The following IPO5 variants were observed in gnomAD, a reference collection of about 807,000 sequenced individuals.
IPO5 encodes importin-5.
Under a neutral mutation model 143.3 loss-of-function variants are expected in IPO5, and 18 were observed. The ratio of observed to expected loss-of-function variants is 0.13; its 90% CI spans 0.09 to 0.19. The LOEUF (loss-of-function observed/expected upper bound fraction) is 0.19. Among genes scored for constraint, IPO5 ranks in the 10% least tolerant of loss-of-function variants. IPO5 has a pLI of 1.00. For synonymous variants in IPO5, 477 were observed against 465.7 expected (o/e 1.02, Z -0.31); for missense variants, 1,013 against 1,336.9 (o/e 0.76, Z 3.78).
At chr13:97,961,634 G>T (rs1029314749) in intron 2 of IPO5, among the ~76,000 whole-genome samples, 2 of 152,132 alleles carry the variant, frequency 1.3e-5, no homozygotes, top group African/African-American at 4.8e-5. Flanking sequence ...GTATGAAGTG[G>T]TAACTTACAT....
Position 98,024,056 on chromosome 13 carries a change from G to A in IPO5, c.*2234G>A, listed in dbSNP as rs1890636779. 1 of 152,106 alleles carries A rather than the reference G, an allele frequency of 6.6e-6. No homozygotes were observed. Among genetic ancestry groups the A allele is most frequent in the African/African-American group, 2.4e-5 (1 of 41,416 alleles). 9.4% of individuals were successfully genotyped at this position (152,106 alleles called of 1,614,324 possible). A position where few individuals can be genotyped will look rare whatever the true frequency, so the allele number is the denominator to read the frequency against. On this transcript the variant is annotated 3_prime_UTR_variant, in exon 29 of 29. Coordinates refer to ENST00000651721, the MANE Select transcript of IPO5 (RefSeq NM_002271.6). ...TATAAATGCAAGCTATTTCTGGAGG[G>A]GAAAAATGTGTGTGGCTCTTACGTT...
chr13:97,974,562 G>A (rs1171073217), intron 3 of IPO5, among the ~76,000 whole-genome samples: 1 of 151,408 alleles, frequency 6.6e-6, no homozygotes, highest in Non-Finnish European at 1.5e-5. Context: ...CGCCCACCTC[G>A]GCCCCCCAAA....
rs543735606 is a variant in IPO5 at position 97,954,153 on chromosome 13, T to G, written c.-158T>G. 8.9e-6 allele frequency: 2 copies of G among 225,034 alleles called. No homozygotes were observed. Among genetic ancestry groups the G allele is most frequent in the East Asian group, 2.6e-4 (2 of 7,606 alleles). 13.9% of individuals were successfully genotyped at this position (225,034 alleles called of 1,614,324 possible). A position where few individuals can be genotyped will look rare whatever the true frequency, so the allele number is the denominator to read the frequency against. Reference sequence around the variant, plus strand: ...GGGAGAAGCCTTTCCAGGACCCATGTGTAGGCACAACTGTTTTCCCTGATC... The same window carrying G: ...GGGAGAAGCCTTTCCAGGACCCATGGGTAGGCACAACTGTTTTCCCTGATC... On this transcript the variant is annotated 5_prime_UTR_variant, in exon 2 of 29. Transcript: ENST00000651721.
intron 13 of IPO5, chr13:98,001,739 A>G (rs1228573141): frequency 2.0e-5 from 3 of 152,268 alleles, no homozygotes; most frequent in African/African-American, 4.8e-5. Flanking sequence ...TGGCCTCCCA[A>G]AATGCTGGGA....
At chr13:98,018,016 A>G (rs181207399) in intron 25 of IPO5, among the ~76,000 whole-genome samples, 1 of 152,182 alleles carries the variant, frequency 6.6e-6, no homozygotes, top group Admixed American at 6.5e-5. Flanking sequence ...CTATCATCAG[A>G]TGTTTGGAAT....
intron 16 of IPO5, among the ~76,000 whole-genome samples, chr13:98,005,187 G>A (rs646352): frequency 0.025 from 3,801 of 150,070 alleles, 148 homozygotes; most frequent in African/African-American, 0.086. Context: ...GTGAGTCACC[G>A]TGCCTGGCTT....
Position 98,023,624 on chromosome 13 carries a change from C to T in IPO5, c.*1802C>T, listed in dbSNP as rs1182770963. 1 of 152,146 alleles carries T rather than the reference C, an allele frequency of 6.6e-6. No homozygotes were observed. The highest frequency in any genetic ancestry group is 1.5e-5 in the Non-Finnish European group (1 of 68,028). The allele number at this position is 152,146 out of a possible 1,614,324, so 9.4% of individuals were successfully genotyped here. On this transcript the variant is annotated 3_prime_UTR_variant, in exon 29 of 29. Coordinates refer to ENST00000651721, the MANE Select transcript of IPO5 (RefSeq NM_002271.6). ...GGCACTATGCTAAGCACTTTGGGAGCAAGAACCTCCTACCTTCCAGTTTAA... is the reference window on the plus strand; with the variant it reads ...GGCACTATGCTAAGCACTTTGGGAGTAAGAACCTCCTACCTTCCAGTTTAA...
At chr13:98,002,649 T>C (rs750740403) in intron 14 of IPO5, 35 bp from the exon 15 acceptor site, 2 of 1,607,068 alleles carry the variant, frequency 1.2e-6, no homozygotes, top group African/African-American at 1.3e-5. Context: ...GTGGAAACCT[T>C]CTTGCTTTTA....
intron 4 of IPO5, among the ~76,000 whole-genome samples, chr13:97,980,617 C>T (rs545040905): frequency 6.6e-6 from 1 of 151,904 alleles, no homozygotes; most frequent in East Asian, 1.9e-4. Context: ...ATCACGAGGT[C>T]GGGAGTTCAA....
At position 98,021,887 on chromosome 13, in the gene IPO5, T is replaced by C. The variant is rs1055520447; in HGVS notation, c.*65T>C. The C allele has an allele frequency of 7.1e-5, 85 of 1,194,112 alleles. No individual in the cohort carries two copies. The highest frequency in any genetic ancestry group is 3.3e-4 in the Admixed American group (17 of 50,968). The allele number at this position is 1,194,112 out of a possible 1,614,324, so 74.0% of individuals were successfully genotyped here. On this transcript the variant is annotated 3_prime_UTR_variant, in exon 29 of 29. Coordinates refer to ENST00000651721, the MANE Select transcript of IPO5 (RefSeq NM_002271.6). The stretch of plus-strand genomic sequence containing the variant: ...AAACGCTTACCCTTTCCTTTAGGTT[T>C]CTTTGTTTTGTTTTTGAGCAAAAGA...
At chr13:97,982,703 GTACTTA>G (rs1358011913) in intron 5 of IPO5, 120 bp downstream of exon 5, 20 of 679,472 alleles carry the variant, frequency 2.9e-5, no homozygotes, top group Non-Finnish European at 4.4e-5. Flanking sequence ...CTAGAACTTT[GTACTTA>G]TTATTTGCTA....
chr13:97,976,608 G>T (rs1301073201), intron 3 of IPO5, 85 bp from the exon 4 acceptor site: 7 of 357,798 alleles, frequency 2.0e-5, no homozygotes, highest in Middle Eastern at 7.7e-4. Flanking sequence ...CGGTCCCCGC[G>T]CTGGGCCCGC....
chr13:98,018,921 G>A (rs1890293856), intron 26 of IPO5, among the ~76,000 whole-genome samples: 2 of 151,886 alleles, frequency 1.3e-5, no homozygotes, highest in African/African-American at 4.8e-5. Context: ...AGCCTTCCAG[G>A]GTGCATTTCT....
intron 4 of IPO5, among the ~76,000 whole-genome samples, chr13:97,978,238 AT>A (rs1156792499): frequency 1.3e-5 from 2 of 152,078 alleles, no homozygotes; most frequent in Non-Finnish European, 2.9e-5. Context: ...ATACACATTC[AT>A]TTTTTACTTA....
Position 98,016,858 on chromosome 13 carries a change from G to GT in IPO5, c.2616+9dup, listed in dbSNP as rs750275834. ...ATTAATTGTCAACCTCATTGTAAGT[G>GT]TTACCTCTCTTAATAGTTGTTTTGC... On this transcript the variant is annotated splice_region_variant and intron_variant, in intron 25 of 28. Coordinates refer to ENST00000651721, the MANE Select transcript of IPO5 (RefSeq NM_002271.6). 2.6e-6 allele frequency: 4 copies of GT among 1,531,276 alleles called. No individual in the cohort carries two copies. Among genetic ancestry groups the GT allele is most frequent in the Admixed American group, 2.3e-5 (1 of 42,678 alleles). The allele number at this position is 1,531,276 out of a possible 1,614,324, so 94.9% of individuals were successfully genotyped here. A position where few individuals can be genotyped will look rare whatever the true frequency, so the allele number is the denominator to read the frequency against.
intron 22 of IPO5, among the ~76,000 whole-genome samples, chr13:98,014,793 G>GAT (rs1164480825): frequency 6.7e-6 from 1 of 150,336 alleles, no homozygotes; most frequent in African/African-American, 2.4e-5. Flanking sequence ...AGAAGCTTGG[G>GAT]TATCATCTCC....
intron 20 of IPO5, among the ~76,000 whole-genome samples, chr13:98,010,923 G>A (rs529703754): frequency 1.3e-5 from 2 of 151,594 alleles, no homozygotes; most frequent in Admixed American, 1.3e-4. Flanking sequence ...TGGGATTACA[G>A]GCGCCTGCCA....
Position 98,002,956 on chromosome 13 carries a change from C to A in IPO5, c.1416C>A (p.Asp472Glu). ...CTGCCCTCATTAACTTTACTGAAGA[C>A]TGTCCCAAGTCACTACTTATTCCAT... ...AAAALINFTEDCPKSLLIPYL... is the reference protein window; with the variant it reads ...AAAALINFTEECPKSLLIPYL... Residue 472 changes from aspartate (D) to glutamate (E), a missense_variant, in exon 16 of 29, where the codon GAC becomes GAA. Coordinates refer to ENST00000651721, the MANE Select transcript of IPO5 (RefSeq NM_002271.6). 6.2e-7 allele frequency: 1 copy of A among 1,613,662 alleles called. No individual in the cohort carries two copies. The highest frequency in any genetic ancestry group is 8.5e-7 in the Non-Finnish European group (1 of 1,179,506).
At chr13:97,957,629 A>G (rs1424435964) in intron 2 of IPO5, among the ~76,000 whole-genome samples, 1 of 152,210 alleles carries the variant, frequency 6.6e-6, no homozygotes, top group Non-Finnish European at 1.5e-5. Flanking sequence ...TTTCCTTGGC[A>G]CAAAGTAAAT....
Sources: allele counts gnomAD v4.1 joint callset (sites outside exome capture counted in the v4.1 genomes callset), GRCh38; gene constraint gnomAD v4.1.1; transcripts MANE v1.5; gene names NCBI Gene and HGNC (gene_info 2026-07-23, HGNC 2026-07-21).